Variants in SRPX2 observed in about 807,000 individuals in gnomAD.
The protein encoded by SRPX2 is sushi repeat-containing protein SRPX2.
A neutral mutation model predicts 45.3 loss-of-function variants in SRPX2; 26 were observed. The ratio of observed to expected loss-of-function variants is 0.57; its 90% confidence interval spans 0.42 to 0.80. The LOEUF (loss-of-function observed/expected upper bound fraction) is 0.80, where lower values mean the gene tolerates loss of function less well. Among genes scored for constraint, SRPX2 ranks in the 30% least tolerant of loss-of-function variants. SRPX2 has a pLI of 0.00. For missense variants in SRPX2, 355 were observed against 399.8 expected (o/e 0.89, Z 0.95); for synonymous variants, 125 against 143.7 (o/e 0.87, Z 0.93).
In SRPX2 at chrX:100,665,057, A is replaced by C. The variant is rs1054280414; in HGVS notation, c.532+107A>C. The C allele has an allele frequency of 5.9e-5, 63 of 1,070,306 alleles. No homozygotes were observed. The African/African-American group carries it at 1.1e-3, about 18-fold the overall frequency. 88.2% of individuals were successfully genotyped at this position (1,070,306 alleles called of 1,213,427 possible). On this transcript the variant is annotated intron_variant, in intron 5 of 10. Coordinates refer to ENST00000373004, the MANE Select transcript of SRPX2 (RefSeq NM_014467.3). ...ACAGAAGGCATTCCTCTTAGCTATG[A>C]GGGTGGCACCCTGGGTATTTGCTAA...
At position 100,672,894 on chromosome X, in the gene SRPX2, AG is replaced by A. The variant is rs1489478361; in HGVS notation, c.*1908del. The stretch of plus-strand genomic sequence containing the variant: ...GAGAATCTCCTTCCACTGGGATTTT[AG>A]TGGAAATCTCATTTTTAAAATGCAA... On this transcript the variant is annotated 3_prime_UTR_variant, in exon 11 of 11. Coordinates refer to ENST00000373004, the MANE Select transcript of SRPX2 (RefSeq NM_014467.3). 4 of 112,227 alleles carry A rather than the reference AG, an allele frequency of 3.6e-5. No homozygotes were observed. Among genetic ancestry groups the A allele is most frequent in the African/African-American group, 1.3e-4 (4 of 30,867 alleles). 9.2% of individuals were successfully genotyped at this position (112,227 alleles called of 1,213,427 possible).
Position 100,666,881 on chromosome X carries a change from C to A in SRPX2, c.909C>A (p.Ser303=). ...DGGYDRQGTP[S]RVCQSSRQWS... Reference sequence around the variant, plus strand: ...GTTATGATCGCCAGGGGACACCCTCCCGGGTCTGTCAGTCCAGCCGCCAGT... The same window carrying A: ...GTTATGATCGCCAGGGGACACCCTCACGGGTCTGTCAGTCCAGCCGCCAGT... The change falls in exon 8 of 11, where the codon TCC becomes TCA. Residue 303 remains serine (S), a synonymous_variant. Coordinates refer to ENST00000373004, the MANE Select transcript of SRPX2 (RefSeq NM_014467.3). 8.3e-7 allele frequency: 1 copy of A among 1,211,147 alleles called. No homozygotes were observed. Among genetic ancestry groups the A allele is most frequent in the Non-Finnish European group, 1.1e-6 (1 of 895,406 alleles).
chrX:100,659,271 G>C (rs1206780893), intron 3 of SRPX2, among the ~76,000 whole-genome samples: 1 of 112,052 alleles, frequency 8.9e-6, no homozygotes, highest in African/African-American at 3.2e-5. Flanking sequence ...AAAACAGATT[G>C]TGTTTGCTCT....
intron 3 of SRPX2, among the ~76,000 whole-genome samples, chrX:100,658,917 G>A (rs1450041885): frequency 9.0e-6 from 1 of 111,495 alleles, no homozygotes; most frequent in African/African-American, 3.3e-5. Context: ...GTTTCCCATG[G>A]GCATTCTTTG....
At chrX:100,664,010 T>C (rs1362518645) in intron 4 of SRPX2, among the ~76,000 whole-genome samples, 1 of 111,603 alleles carries the variant, frequency 9.0e-6, no homozygotes, top group African/African-American at 3.3e-5. Flanking sequence ...CATCTAGCAT[T>C]TGAGGAATAA....
chrX:100,650,756 C>T (rs1301987607), intron 2 of SRPX2, 29 bp from the exon 3 acceptor site: 10 of 1,163,034 alleles, frequency 8.6e-6, no homozygotes, highest in Non-Finnish European at 9.4e-6. Flanking sequence ...AATCAAGACA[C>T]CATTTTGATA....
chrX:100,657,996 A>G lies in SRPX2; in HGVS notation c.164-4180A>G, dbSNP rs748317606. Among the ~76,000 whole-genome samples, 10 of 112,401 alleles carry G rather than the reference A, an allele frequency of 8.9e-5. No individual in the cohort carries two copies. In the South Asian group the frequency reaches 3.7e-3, roughly 42 times the overall value. On this transcript the variant is annotated intron_variant, in intron 3 of 10. Transcript: ENST00000373004. ...TGAGTTGTTCGAGTTCCTTGTATATACTGGACATTATTAGTCCCCTGATGG... is the reference window on the plus strand; with the variant it reads ...TGAGTTGTTCGAGTTCCTTGTATATGCTGGACATTATTAGTCCCCTGATGG...
At chrX:100,661,289 A>G (rs2083186371) in intron 3 of SRPX2, among the ~76,000 whole-genome samples, 1 of 111,703 alleles carries the variant, frequency 9.0e-6, no homozygotes, top group Admixed American at 9.5e-5. Context: ...CCATCGGTGT[A>G]GCCTATTCAG....
Position 100,670,926 on chromosome X carries a change from A to T in SRPX2, c.1337A>T (p.Asp446Val). 5.0e-6 allele frequency: 6 copies of T among 1,211,957 alleles called. No homozygotes were observed. Among genetic ancestry groups the T allele is most frequent in the Non-Finnish European group, 6.7e-6 (6 of 895,565 alleles). The change falls in exon 11 of 11, where the codon GAC (aspartate) becomes GTC (valine). Residue 446 changes from aspartate to valine, a missense_variant. Asp to Val is a radical substitution (Grantham distance 152). Coordinates refer to ENST00000373004, the MANE Select transcript of SRPX2 (RefSeq NM_014467.3). ...TPEEIFTFID[D>V]YLLSNQELTQ... ...GAGGAAATCTTCACATTCATTGATGACTACCTACTGAGCAATCAGGAGTTG... is the reference window on the plus strand; with the variant it reads ...GAGGAAATCTTCACATTCATTGATGTCTACCTACTGAGCAATCAGGAGTTG...
intron 3 of SRPX2, among the ~76,000 whole-genome samples, chrX:100,659,213 C>T (rs1455839287): frequency 8.9e-6 from 1 of 112,062 alleles, no homozygotes; most frequent in Admixed American, 9.5e-5. Flanking sequence ...GCTATCAGTG[C>T]TGTCAGTGTC....
chrX:100,654,664 A>G (rs769078727), intron 3 of SRPX2, among the ~76,000 whole-genome samples: 1 of 111,727 alleles, frequency 9.0e-6, no homozygotes, highest in Non-Finnish European at 1.9e-5. Flanking sequence ...AACTAAGCTC[A>G]GGGAAGTTTT....
At chrX:100,663,156 G>A (rs1049005034) in intron 4 of SRPX2, among the ~76,000 whole-genome samples, 1 of 110,992 alleles carries the variant, frequency 9.0e-6, no homozygotes, top group East Asian at 2.8e-4. Flanking sequence ...AGAAGACGCT[G>A]TAGACGAGAA....
Position 100,660,354 on chromosome X carries a change from G to A in SRPX2, c.164-1822G>A, listed in dbSNP as rs113541766. Among the ~76,000 whole-genome samples the A allele has an allele frequency of 9.3e-3, 1,036 of 111,545 alleles. 13 individuals are homozygous for A. The highest frequency in any genetic ancestry group is 0.033 in the African/African-American group (1,000 of 30,644). On this transcript the variant is annotated intron_variant, in intron 3 of 10. Coordinates refer to ENST00000373004, the MANE Select transcript of SRPX2 (RefSeq NM_014467.3). ...AAACACTGATCTGTACTCTGTCACT[G>A]TATTTTTGCCTATGTCCCTATATTT...
At chrX:100,644,942 G>T (rs2083131039) in intron 1 of SRPX2, among the ~76,000 whole-genome samples, 1 of 111,351 alleles carries the variant, frequency 9.0e-6, no homozygotes, top group Non-Finnish European at 1.9e-5. Flanking sequence ...TGCTCCTTTT[G>T]TTGCCTCTTT....
intron 3 of SRPX2, among the ~76,000 whole-genome samples, chrX:100,652,099 C>T (rs1255695850): frequency 1.8e-5 from 2 of 112,105 alleles, no homozygotes; most frequent in African/African-American, 3.2e-5. Flanking sequence ...AGAACATTAA[C>T]CTGATTATTC....
At chrX:100,663,084 A>G (rs762461760) in intron 4 of SRPX2, among the ~76,000 whole-genome samples, 12 of 111,872 alleles carry the variant, frequency 1.1e-4, no homozygotes, top group Non-Finnish European at 2.3e-4. Context: ...ATGTGTGCAC[A>G]TCAGTGTGGT....
At chrX:100,646,541 T>C (rs2083136149) in intron 2 of SRPX2, 137 bp downstream of exon 2, 2 of 631,035 alleles carry the variant, frequency 3.2e-6, no homozygotes, top group Non-Finnish European at 5.0e-6. Flanking sequence ...ATAAAGATGG[T>C]TAAACATGGC....
rs2083249447 is a variant in SRPX2, at chrX:100,674,656, T to G, written c.*3669T>G. 1 of 111,778 alleles carries G rather than the reference T, an allele frequency of 8.9e-6. No homozygotes were observed. The highest frequency in any genetic ancestry group is 3.3e-5 in the African/African-American group (1 of 30,695). The allele number at this position is 111,778 out of a possible 1,213,427, so 9.2% of individuals were successfully genotyped here. A position where few individuals can be genotyped will look rare whatever the true frequency, so the allele number is the denominator to read the frequency against. ...TCCTCCATTCGGTTCATACATACAG[T>G]AGAAACCACTGTGGCTGCCCTTAAT... On this transcript the variant is annotated 3_prime_UTR_variant, in exon 11 of 11. Transcript: ENST00000373004.
Position 100,646,327 on chromosome X carries a change from C to T in SRPX2, c.5C>T (p.Ala2Val), listed in dbSNP as rs868702972. 8.3e-7 allele frequency: 1 copy of T among 1,208,201 alleles called. No individual in the cohort carries two copies. The highest frequency in any genetic ancestry group is 1.8e-5 in the African/African-American group (1 of 57,061). M[A>V]SQLTQRGALF... The stretch of plus-strand genomic sequence containing the variant: ...CCATAATCCTCCCTTTCAAGGATGG[C>T]CAGTCAGCTAACTCAAAGAGGAGCT... The change falls in exon 2 of 11, where the codon GCC (alanine) becomes GTC (valine). Residue 2 changes from alanine (A) to valine (V), a missense_variant. By Grantham distance (64) the Ala-to-Val change is moderately conservative. Transcript: ENST00000373004.
Sources: gnomAD v4.1 joint callset for allele counts (sites outside exome capture counted in the v4.1 genomes callset) on GRCh38, gnomAD v4.1.1 for gene constraint, MANE v1.5 for transcripts, NCBI Gene and HGNC (gene_info 2026-07-23, HGNC 2026-07-21) for gene names.